SLC25A12: variants seen among roughly 807,000 people sequenced by gnomAD.
SLC25A12 encodes the protein solute carrier family 25 member 12, also known as electrogenic aspartate/glutamate antiporter SLC25A12, mitochondrial.
In SLC25A12, 32 loss-of-function variants were observed where a neutral mutation model predicts 83.3. The observed-to-expected ratio is 0.38, with a 90% CI of 0.29 to 0.52. The LOEUF is 0.52. Ranked by LOEUF, SLC25A12 falls within the 20% of genes least tolerant of loss-of-function variation. The pLI, the probability that SLC25A12 is intolerant of heterozygous loss-of-function variation, is 0.84. For synonymous variants in SLC25A12, 267 were observed against 291.1 expected, an observed-to-expected ratio of 0.92 and a Z score of 0.84; for missense variants, 611 against 835.6, an observed-to-expected ratio of 0.73 and a Z score of 3.31.
At chr2:171,819,202 ATATATAATATATAATACATATTATATATG>A (rs1684121546) in intron 9 of SLC25A12, among the ~76,000 whole-genome samples, 2 of 133,488 alleles carry the variant, frequency 1.5e-5, no homozygotes, top group East Asian at 2.0e-4. Flanking sequence ...TTATATATTA[ATATATAATATATAATACATATTATATATG>A]TATATAATAT....
At chr2:171,838,022 A>G (rs1427861775) in intron 5 of SLC25A12, among the ~76,000 whole-genome samples, 2 of 152,228 alleles carry the variant, frequency 1.3e-5, no homozygotes, top group East Asian at 3.8e-4. Flanking sequence ...GTACTATACA[A>G]AAGTCAAAAT....
At chr2:171,801,916 T>C (rs1200988861) in intron 13 of SLC25A12, among the ~76,000 whole-genome samples, 1 of 72,138 alleles carries the variant, frequency 1.4e-5, no homozygotes, top group South Asian at 3.0e-4. Flanking sequence ...TCTGTGTGTG[T>C]GTGTGTGTGT....
Position 171,787,474 on chromosome 2 carries a change from A to C in SLC25A12, c.1835+97T>G, listed in dbSNP as rs1345893388. On this transcript the variant is annotated intron_variant, in intron 17 of 17. Coordinates refer to ENST00000422440, the MANE Select transcript of SLC25A12 (RefSeq NM_003705.5). ...TTGGTCTTAAAGGTTCTGTCTTATC[A>C]GTTTTCTAAGAGTTGCAACAATGCT... The C allele has an allele frequency of 3.2e-6, 3 of 949,330 alleles. No individual in the cohort carries two copies. The South Asian group carries it at 3.9e-5, about 12-fold the overall frequency. 58.8% of individuals were successfully genotyped at this position (949,330 alleles called of 1,614,324 possible).
chr2:171,869,617 T>A (rs185535915), intron 2 of SLC25A12, among the ~76,000 whole-genome samples: 3 of 152,302 alleles, frequency 2.0e-5, no homozygotes, highest in Admixed American at 6.5e-5. Context: ...ATAATTTTTT[T>A]AAATAAAATA....
intron 5 of SLC25A12, among the ~76,000 whole-genome samples, chr2:171,840,491 C>A (rs1436528269): frequency 6.6e-6 from 1 of 151,202 alleles, no homozygotes; most frequent in Non-Finnish European, 1.5e-5. Context: ...TTTAAAAAAA[C>A]AACAAAGAAA....
In SLC25A12 at chr2:171,784,654, G is replaced by A. The variant is rs966231989; in HGVS notation, c.*620C>T. 3 of 164,644 alleles carry A rather than the reference G, an allele frequency of 1.8e-5. No homozygotes were observed. Among genetic ancestry groups the A allele is most frequent in the Non-Finnish European group, 2.7e-5 (2 of 74,794 alleles). 10.2% of individuals were successfully genotyped at this position (164,644 alleles called of 1,614,324 possible). A position where few individuals can be genotyped will look rare whatever the true frequency, so the allele number is the denominator to read the frequency against. ...CACAAGTCATTAGCCTGGTCCTCTG[G>A]CATCCACTGGCATGCATCTTTCCAA... On this transcript the variant is annotated 3_prime_UTR_variant, in exon 18 of 18. Coordinates refer to ENST00000422440, the MANE Select transcript of SLC25A12 (RefSeq NM_003705.5).
chr2:171,788,000 G>A, intron 15 of SLC25A12, 53 bp from the exon 16 acceptor site: 1 of 1,577,394 alleles, frequency 6.3e-7, no homozygotes, highest in Non-Finnish European at 8.7e-7. Flanking sequence ...TAAAAGATAG[G>A]AATACTGCTA....
chr2:171,839,828 T>C (rs1432404286), intron 5 of SLC25A12, among the ~76,000 whole-genome samples: 1 of 152,128 alleles, frequency 6.6e-6, no homozygotes, highest in East Asian at 1.9e-4. Context: ...CTGGAAGTGA[T>C]GGTGAAGGTG....
At chr2:171,803,825 A>ACACG (rs1683764380) in intron 13 of SLC25A12, among the ~76,000 whole-genome samples, 1 of 149,880 alleles carries the variant, frequency 6.7e-6, no homozygotes, top group East Asian at 1.9e-4. Flanking sequence ...ACACACACAC[A>ACACG]CACACACGCG....
rs1558921439 is a variant in SLC25A12 at position 171,826,880 on chromosome 2, C to T, written c.848G>A (p.Arg283His). ...QLADLYNASGRLTLADIERIA... is the reference protein window; with the variant it reads ...QLADLYNASGHLTLADIERIA... ...TCTCTCAATATCTGCCAAAGTCAAG[C>T]GCCTTCAGGAAAAATATAGGAAAGA... Residue 283 changes from arginine to histidine, a missense_variant and splice_region_variant, in exon 9 of 18, where the codon CGC becomes CAC. Arg to His is a conservative substitution (Grantham distance 29). This residue lies in a region of SLC25A12 where 540 missense variants were observed against 777.5 expected (regional missense o/e 0.69). Coordinates refer to ENST00000422440, the MANE Select transcript of SLC25A12 (RefSeq NM_003705.5). The T allele has an allele frequency of 2.5e-6, 4 of 1,595,382 alleles. No homozygotes were observed. The highest frequency in any genetic ancestry group is 2.6e-6 in the Non-Finnish European group (3 of 1,163,530).
At chr2:171,789,754 C>T (rs1462716552) in intron 15 of SLC25A12, among the ~76,000 whole-genome samples, 2 of 152,232 alleles carry the variant, frequency 1.3e-5, no homozygotes, top group Middle Eastern at 3.4e-3. Flanking sequence ...ATTGGCCAGG[C>T]ATGGTGGTAC....
intron 3 of SLC25A12, among the ~76,000 whole-genome samples, chr2:171,858,497 G>A (rs1400116300): frequency 2.0e-5 from 3 of 152,148 alleles, no homozygotes; most frequent in African/African-American, 7.2e-5. Context: ...ATGCTCAGTA[G>A]TAAAACCTTC....
At chr2:171,836,960 G>GCA (rs3836020) in intron 6 of SLC25A12, among the ~76,000 whole-genome samples, 161 bp downstream of exon 6, 1,611 of 146,456 alleles carry the variant, frequency 0.011, 24 homozygotes, top group African/African-American at 0.016. Flanking sequence ...ACACACACAT[G>GCA]CACACACACA....
At chr2:171,792,657 G>A (rs1300325795) in intron 14 of SLC25A12, among the ~76,000 whole-genome samples, 1 of 151,292 alleles carries the variant, frequency 6.6e-6, no homozygotes, top group Non-Finnish European at 1.5e-5. Context: ...CCAAGGACTC[G>A]CTAAAGGATA....
At position 171,878,993 on chromosome 2, in the gene SLC25A12, A is replaced by T. The variant is rs75597172; in HGVS notation, c.67-10170T>A. The stretch of plus-strand genomic sequence containing the variant: ...TGACACACAAACCCTGTTAAACAGT[A>T]CAATGTGTAATTTGCCTTATTATGT... On this transcript the variant is annotated intron_variant, in intron 2 of 17. Coordinates refer to ENST00000422440, the MANE Select transcript of SLC25A12 (RefSeq NM_003705.5). 8.5e-5 allele frequency among the ~76,000 whole-genome samples: 13 copies of T among 152,358 alleles called. No homozygotes were observed. The South Asian group carries it at 1.2e-3, about 15-fold the overall frequency.
chr2:171,854,874 A>G (rs1685013232), intron 4 of SLC25A12, among the ~76,000 whole-genome samples: 1 of 152,242 alleles, frequency 6.6e-6, no homozygotes, highest in Non-Finnish European at 1.5e-5. Context: ...CTGATTTTCA[A>G]GGGTGTTTCT....
Position 171,801,892 on chromosome 2 carries a change from G to A in SLC25A12, c.1305+7714C>T, listed in dbSNP as rs547189011. ...TTACAATGTAACCTCATTGGAAGTC[G>A]AGGAATATCTGGATCTGTGTGTGTG... is the stretch of plus-strand genomic sequence containing the variant. On this transcript the variant is annotated intron_variant, in intron 13 of 17. Coordinates refer to ENST00000422440, the MANE Select transcript of SLC25A12 (RefSeq NM_003705.5). Among the ~76,000 whole-genome samples, 10 of 144,724 alleles carry A rather than the reference G, an allele frequency of 6.9e-5. 1 individual carries two copies. Among genetic ancestry groups the A allele is most frequent in the South Asian group, 6.8e-4 (3 of 4,442 alleles). The allele number at this position is 144,724 out of a possible 152,430, so 94.9% of individuals were successfully genotyped here. A position where few individuals can be genotyped will look rare whatever the true frequency, so the allele number is the denominator to read the frequency against.
chr2:171,820,756 GGTTT>G (rs1456274520), intron 9 of SLC25A12, among the ~76,000 whole-genome samples: 17 of 150,824 alleles, frequency 1.1e-4, no homozygotes, highest in Admixed American at 7.9e-4. Context: ...AAAAAGAGAA[GGTTT>G]GTTTTCCCAT....
chr2:171,785,608 C>CTGCA, intron 17 of SLC25A12, 133 bp from the exon 18 acceptor site: 1 of 783,866 alleles, frequency 1.3e-6, no homozygotes. Flanking sequence ...GGCATCTGTG[C>CTGCA]TGCATGACTA....
Sources: allele counts gnomAD v4.1 joint callset (sites outside exome capture counted in the v4.1 genomes callset), GRCh38; gene constraint gnomAD v4.1.1; regional missense constraint gnomAD v4.1.1; transcripts MANE v1.5; gene names NCBI Gene and HGNC (gene_info 2026-07-23, HGNC 2026-07-21).